Variants in XPO5 observed in about 807,000 individuals in gnomAD.
XPO5 encodes exportin-5.
XPO5 carries 46 observed loss-of-function variants against 160.6 expected under a neutral mutation model. The ratio of observed to expected loss-of-function variants is 0.29; its 90% CI spans 0.23 to 0.37. The LOEUF (loss-of-function observed/expected upper bound fraction) is 0.37, where lower values mean the gene tolerates loss of function less well. Ranked by LOEUF, XPO5 falls within the 10% of genes least tolerant of loss-of-function variation. The pLI, the probability that XPO5 is intolerant of heterozygous loss-of-function variation, is 1.00. For missense variants in XPO5, 1,090 were observed against 1,463.9 expected, an observed-to-expected ratio of 0.74 and a Z score of 4.17; for synonymous variants, 537 against 519.3, an observed-to-expected ratio of 1.03 and a Z score of -0.46.
intron 13 of XPO5, among the ~76,000 whole-genome samples, chr6:43,554,168 G>T (rs774257592): frequency 4.6e-5 from 7 of 151,546 alleles, no homozygotes; most frequent in Non-Finnish European, 1.0e-4. Flanking sequence ...GGGCAGTGGC[G>T]AGATCTCGGC....
Position 43,544,574 on chromosome 6 carries a change from A to G in XPO5, c.2342+1997T>C, listed in dbSNP as rs116130827. ...GTCTAGGTGATTAGCTTCTTGCCCT[A>G]TGATTTCCATCACTTTCACGTTTCT... On this transcript the variant is annotated intron_variant, in intron 20 of 31. Coordinates refer to ENST00000265351, the MANE Select transcript of XPO5 (RefSeq NM_020750.3). 5.0e-3 allele frequency among the ~76,000 whole-genome samples: 765 copies of G among 152,280 alleles called. 5 individuals carry two copies. Among genetic ancestry groups the G allele is most frequent in the African/African-American group, 0.017 (696 of 41,570 alleles).
chr6:43,540,296 G>A (rs894602934), intron 20 of XPO5, among the ~76,000 whole-genome samples: 1 of 152,144 alleles, frequency 6.6e-6, no homozygotes, highest in Admixed American at 6.5e-5. Context: ...TGGCTAATAC[G>A]GTGAAACCCT....
At chr6:43,557,250 C>T in intron 12 of XPO5, among the ~76,000 whole-genome samples, 1 of 151,406 alleles carries the variant, frequency 6.6e-6, no homozygotes, top group South Asian at 2.1e-4. Flanking sequence ...CACAGTGAAA[C>T]CCTGTCTCTA....
chr6:43,538,964 G>C, intron 20 of XPO5: 1 of 1,387,300 alleles, frequency 7.2e-7, no homozygotes, highest in Non-Finnish European at 1.0e-6. Flanking sequence ...GTAGCTGTAG[G>C]TCTTAGAAAT....
At chr6:43,532,907 G>A (rs1403825785) in intron 21 of XPO5, among the ~76,000 whole-genome samples, 1 of 152,196 alleles carries the variant, frequency 6.6e-6, no homozygotes, top group Non-Finnish European at 1.5e-5. Context: ...CACTTTGGGA[G>A]GCCAAGGCAG....
intron 1 of XPO5, among the ~76,000 whole-genome samples, chr6:43,575,269 A>C (rs1426980993): frequency 6.6e-6 from 1 of 152,244 alleles, no homozygotes. Flanking sequence ...GCGAGATGTT[A>C]AAGCATATAA....
intron 8 of XPO5, 146 bp from the exon 9 acceptor site, chr6:43,562,492 A>T (rs561132427): frequency 1.1e-3 from 725 of 656,666 alleles, no homozygotes; most frequent in African/African-American, 1.8e-3. Flanking sequence ...AAAATTTTTT[A>T]AAATCTTTTT....
intron 20 of XPO5, among the ~76,000 whole-genome samples, chr6:43,543,589 C>G (rs1794810302): frequency 6.6e-6 from 1 of 151,512 alleles, no homozygotes; most frequent in Non-Finnish European, 1.5e-5. Flanking sequence ...TGAATGTGTC[C>G]ACTTTGTGAA....
At chr6:43,535,682 C>T (rs1321926825) in intron 20 of XPO5, among the ~76,000 whole-genome samples, 8 of 151,386 alleles carry the variant, frequency 5.3e-5, no homozygotes, top group South Asian at 2.1e-4. Flanking sequence ...GACATGGTGG[C>T]GGGCGCCTGT....
At chr6:43,563,894 T>C in intron 8 of XPO5, among the ~76,000 whole-genome samples, 1 of 152,286 alleles carries the variant, frequency 6.6e-6, no homozygotes, top group South Asian at 2.1e-4. Context: ...CTGTAGACTT[T>C]ATAAATTCTG....
At position 43,523,656 on chromosome 6, in the gene XPO5, T is replaced by C. The variant is rs768829566; in HGVS notation, c.*212A>G. On this transcript the variant is annotated 3_prime_UTR_variant, in exon 32 of 32. Transcript: ENST00000265351. ...AACTATCTGGGACATCTAGACAGAA[T>C]AGTTTAAGCCCTAACTCCCTTTCTT... The C allele has an allele frequency of 1.2e-6, 1 of 832,658 alleles. No homozygotes were observed. The highest frequency in any genetic ancestry group is 2.1e-6 in the Non-Finnish European group (1 of 473,172). The allele number at this position is 832,658 out of a possible 1,614,324, so 51.6% of individuals were successfully genotyped here.
At chr6:43,542,495 C>A (rs372109931) in intron 20 of XPO5, among the ~76,000 whole-genome samples, 1 of 152,084 alleles carries the variant, frequency 6.6e-6, no homozygotes. Context: ...CTGCAACCTC[C>A]GCCTCCCAAG....
In XPO5 at chr6:43,522,674, A is replaced by G; in HGVS notation, c.*1194T>C. The stretch of plus-strand genomic sequence containing the variant: ...CTGCCTGTGGCCCGCACCAGCTAAA[A>G]ACTGTAGCTTCAGTCCACTTCGGCT... On this transcript the variant is annotated 3_prime_UTR_variant, in exon 32 of 32. Transcript: ENST00000265351. 1 of 481,634 alleles carries G rather than the reference A, an allele frequency of 2.1e-6. No homozygotes were observed. The highest frequency in any genetic ancestry group is 6.1e-5 in the East Asian group (1 of 16,436). 29.8% of individuals were successfully genotyped at this position (481,634 alleles called of 1,614,324 possible). A position where few individuals can be genotyped will look rare whatever the true frequency, so the allele number is the denominator to read the frequency against.
intron 20 of XPO5, among the ~76,000 whole-genome samples, chr6:43,537,918 A>G (rs1794439592): frequency 2.0e-5 from 3 of 151,566 alleles, no homozygotes; most frequent in Admixed American, 1.3e-4. Context: ...AATACAAAAA[A>G]TTAGCCAGGC....
chr6:43,556,306 T>C (rs897262499), intron 12 of XPO5, among the ~76,000 whole-genome samples: 13 of 152,184 alleles, frequency 8.5e-5, no homozygotes, highest in Admixed American at 7.9e-4. Context: ...GGCAGACTGC[T>C]TGTGCCCAAG....
chr6:43,532,295 A>T (rs1444702564), intron 21 of XPO5, among the ~76,000 whole-genome samples: 2 of 152,236 alleles, frequency 1.3e-5, no homozygotes, highest in Non-Finnish European at 2.9e-5. Flanking sequence ...GACAGACATG[A>T]GTTCTGGAAA....
Position 43,526,670 on chromosome 6 carries a change from C to A in XPO5, c.2983+15G>T, listed in dbSNP as rs1454021455. 4 of 1,613,706 alleles carry A rather than the reference C, an allele frequency of 2.5e-6. No individual in the cohort carries two copies. In the South Asian group the frequency reaches 4.4e-5, roughly 18 times the overall value. On this transcript the variant is annotated intron_variant, in intron 27 of 31. Coordinates refer to ENST00000265351, the MANE Select transcript of XPO5 (RefSeq NM_020750.3). ...GGCTAAGAGCAGAACTCCAAGGTCT[C>A]ACAGGCTCACTTACCGTCTCCATCT...
intron 20 of XPO5, chr6:43,539,400 G>C (rs1794555943): frequency 1.3e-6 from 2 of 1,576,650 alleles, no homozygotes; most frequent in Non-Finnish European, 1.7e-6. Flanking sequence ...TCATCCTTGA[G>C]AGAGGCCCCC....
intron 21 of XPO5, among the ~76,000 whole-genome samples, chr6:43,533,110 G>A (rs1195765328): frequency 1.3e-5 from 2 of 152,062 alleles, no homozygotes; most frequent in Non-Finnish European, 2.9e-5. Flanking sequence ...ACACCAGCCT[G>A]GGTGACAGAG....
Sources: gnomAD v4.1 joint callset for allele counts (sites outside exome capture counted in the v4.1 genomes callset) on GRCh38, gnomAD v4.1.1 for gene constraint, MANE v1.5 for transcripts, NCBI Gene and HGNC (gene_info 2026-07-23, HGNC 2026-07-21) for gene names.